Variants in KIF25 observed in about 807,000 individuals in gnomAD.
The protein encoded by KIF25 is kinesin family member 25.
KIF25 carries 19 observed loss-of-function variants against 32.9 expected under a neutral mutation model. The ratio of observed to expected loss-of-function variants is 0.58; its 90% CI spans 0.40 to 0.85. The LOEUF is 0.85. Among genes scored for constraint, KIF25 ranks in the 40% least tolerant of loss-of-function variants. The pLI, the probability that KIF25 is intolerant of heterozygous loss-of-function variation, is 0.00. For synonymous variants in KIF25, 225 were observed against 213.7 expected, an observed-to-expected ratio of 1.05 and a Z score of -0.46; for missense variants, 485 against 507.0, an observed-to-expected ratio of 0.96 and a Z score of 0.42.
In KIF25 at chr6:168,045,040, T is replaced by C; in HGVS notation, c.*44T>C. ...CTCCTAAAACTGTGTTTCTTGTCCT[T>C]GCTTTATAATGCATATGTGCTTAGA... is the stretch of plus-strand genomic sequence containing the variant. On this transcript the variant is annotated 3_prime_UTR_variant, in exon 13 of 13. Coordinates refer to ENST00000643607, the MANE Select transcript of KIF25 (RefSeq NM_030615.4). 1 of 1,528,278 alleles carries C rather than the reference T, an allele frequency of 6.5e-7. No individual in the cohort carries two copies. Among genetic ancestry groups the C allele is most frequent in the Non-Finnish European group, 8.9e-7 (1 of 1,126,636 alleles). 94.7% of individuals were successfully genotyped at this position (1,528,278 alleles called of 1,614,324 possible). A position where few individuals can be genotyped will look rare whatever the true frequency, so the allele number is the denominator to read the frequency against.
chr6:168,042,095 C>T lies in KIF25; in HGVS notation c.773C>T (p.Ala258Val), dbSNP rs138311357. ...QLVPGNPAGH[A>V]EQVQARLQLV... ...GTTCCTGGGAACCCCGCAGGGCATG[C>T]GGAGCAGGTGCAGGCTCGACTACAG... Residue 258 changes from alanine to valine, a missense_variant, in exon 11 of 13, where the codon GCG (alanine) becomes GTG (valine). This residue lies in a region of KIF25 where 480 missense variants were observed against 470.3 expected (regional missense o/e 1.02). Coordinates refer to ENST00000643607, the MANE Select transcript of KIF25 (RefSeq NM_030615.4). 9.0e-6 allele frequency: 14 copies of T among 1,551,406 alleles called. No individual in the cohort carries two copies. The highest frequency in any genetic ancestry group is 3.6e-5 in the South Asian group (3 of 84,050).
intron 4 of KIF25, among the ~76,000 whole-genome samples, chr6:168,004,306 G>A (rs369107825): frequency 4.6e-5 from 7 of 152,318 alleles, no homozygotes; most frequent in African/African-American, 1.7e-4. Flanking sequence ...TGGAGCCCAC[G>A]GCAGGCACTC....
intron 12 of KIF25, 53 bp downstream of exon 12, chr6:168,042,769 A>G (rs1799146675): frequency 2.6e-6 from 4 of 1,560,358 alleles, no homozygotes; most frequent in African/African-American, 2.7e-5. Context: ...ACCCCAGGAC[A>G]TGTGCACACA....
intron 5 of KIF25, among the ~76,000 whole-genome samples, chr6:168,022,777 T>G (rs528950711): frequency 0.018 from 2,663 of 151,196 alleles, 108 homozygotes; most frequent in African/African-American, 0.061. Context: ...TGTTTTTTTT[T>G]TTTTTTTTGG....
At chr6:168,029,385 G>A (rs1798907790) in intron 5 of KIF25, 107 bp from the exon 6 acceptor site, 2 of 742,576 alleles carry the variant, frequency 2.7e-6, no homozygotes, top group Non-Finnish European at 2.0e-6. Context: ...AGACAATTAA[G>A]GAAATGCGAA....
intron 5 of KIF25, among the ~76,000 whole-genome samples, chr6:168,018,661 G>A (rs145372603): frequency 1.3e-5 from 2 of 152,194 alleles, no homozygotes; most frequent in African/African-American, 4.8e-5. Flanking sequence ...TTCCCAGGGT[G>A]GTAGGAGAGC....
chr6:168,003,387 G>C (rs746891841), intron 3 of KIF25, among the ~76,000 whole-genome samples: 15 of 152,164 alleles, frequency 9.9e-5, no homozygotes, highest in Admixed American at 2.6e-4. Context: ...TGGAAGGGTG[G>C]ATCCATGCAC....
Position 168,045,006 on chromosome 6 carries a change from C to A in KIF25, c.*10C>A. 1 of 1,578,198 alleles carries A rather than the reference C, an allele frequency of 6.3e-7. No homozygotes were observed. Among genetic ancestry groups the A allele is most frequent in the Non-Finnish European group, 8.6e-7 (1 of 1,160,356 alleles). On this transcript the variant is annotated 3_prime_UTR_variant, in exon 13 of 13. Coordinates refer to ENST00000643607, the MANE Select transcript of KIF25 (RefSeq NM_030615.4). ...GAGGAGGCCGGATTGAATGCATTAACAAGTTTTTCTCCTAAAACTGTGTTT... is the reference window on the plus strand; with the variant it reads ...GAGGAGGCCGGATTGAATGCATTAAAAAGTTTTTCTCCTAAAACTGTGTTT...
chr6:168,031,077 T>A (rs1798934914), intron 7 of KIF25, among the ~76,000 whole-genome samples: 1 of 152,176 alleles, frequency 6.6e-6, no homozygotes, highest in Non-Finnish European at 1.5e-5. Flanking sequence ...AATGAGCATA[T>A]CCACCTGGGA....
intron 5 of KIF25, among the ~76,000 whole-genome samples, chr6:168,027,372 T>C (rs1333991989): frequency 6.9e-6 from 1 of 145,834 alleles, no homozygotes; most frequent in African/African-American, 2.6e-5. Flanking sequence ...GAGAATCGAT[T>C]GAACCAAGGA....
intron 5 of KIF25, among the ~76,000 whole-genome samples, chr6:168,020,311 C>T (rs1200285501): frequency 6.6e-6 from 1 of 152,142 alleles, no homozygotes; most frequent in Non-Finnish European, 1.5e-5. Flanking sequence ...AACAGTCCAT[C>T]CAGAGTTCTG....
intron 2 of KIF25, among the ~76,000 whole-genome samples, chr6:168,000,712 C>G (rs1029889315): frequency 6.6e-6 from 1 of 152,162 alleles, no homozygotes; most frequent in Non-Finnish European, 1.5e-5. Context: ...CTGACCCTCC[C>G]GCCACTCCAA....
At chr6:168,000,998 A>G (rs1469586738) in intron 2 of KIF25, among the ~76,000 whole-genome samples, 4 of 152,208 alleles carry the variant, frequency 2.6e-5, no homozygotes, top group African/African-American at 4.8e-5. Flanking sequence ...GGATCTTTTG[A>G]TAGTCATTGA....
intron 4 of KIF25, among the ~76,000 whole-genome samples, chr6:168,016,845 C>A (rs1031843975): frequency 5.3e-5 from 8 of 152,240 alleles, no homozygotes; most frequent in Non-Finnish European, 1.2e-4. Context: ...GGGCAGGGAG[C>A]AACCCAAGGC....
intron 4 of KIF25, among the ~76,000 whole-genome samples, chr6:168,014,400 T>G (rs1207599472): frequency 6.6e-6 from 1 of 152,222 alleles, no homozygotes; most frequent in Non-Finnish European, 1.5e-5. Flanking sequence ...ATTTGGATAT[T>G]TGAGGTTTTC....
intron 2 of KIF25, among the ~76,000 whole-genome samples, chr6:168,000,347 G>C (rs13194796): frequency 5.3e-3 from 133 of 24,948 alleles, no homozygotes; most frequent in Admixed American, 6.1e-3. Context: ...ACCACACCTG[G>C]CCCTCCCCAC....
chr6:168,041,491 A>T (rs1013349954), intron 10 of KIF25, among the ~76,000 whole-genome samples: 5 of 152,264 alleles, frequency 3.3e-5, no homozygotes, highest in Admixed American at 2.0e-4. Context: ...TATACTTTCT[A>T]TGTTTTGCAC....
chr6:168,027,464 A>G (rs1489775489), intron 5 of KIF25, among the ~76,000 whole-genome samples: 1 of 151,736 alleles, frequency 6.6e-6, no homozygotes, highest in Non-Finnish European at 1.5e-5. Context: ...CAAAAAAAAA[A>G]AAAAAAAAAA....
chr6:168,024,986 G>A (rs1798840248), intron 5 of KIF25, among the ~76,000 whole-genome samples: 1 of 152,234 alleles, frequency 6.6e-6, no homozygotes, highest in Non-Finnish European at 1.5e-5. Flanking sequence ...GGGAGGCAGA[G>A]GTTGCAGTGA....
Sources: allele counts gnomAD v4.1 joint callset (sites outside exome capture counted in the v4.1 genomes callset), GRCh38; gene constraint gnomAD v4.1.1; regional missense constraint gnomAD v4.1.1; transcripts MANE v1.5; gene names NCBI Gene and HGNC (gene_info 2026-07-23, HGNC 2026-07-21).